The following GLP1R variants were observed in gnomAD, a reference collection of about 807,000 sequenced individuals.
GLP1R encodes glucagon like peptide 1 receptor.
A neutral mutation model predicts 68.4 loss-of-function variants in GLP1R; 32 were observed. That is an observed-to-expected ratio of 0.47 (90% CI 0.35 to 0.63). The LOEUF is 0.63. Ranked by LOEUF, GLP1R falls within the 20% of genes least tolerant of loss-of-function variation. GLP1R has a pLI of 0.00. For missense variants in GLP1R, 502 were observed against 594.9 expected (o/e 0.84, Z 1.62); for synonymous variants, 263 against 244.4 (o/e 1.08, Z -0.71).
chr6:39,075,804 G>T (rs1479972281), intron 7 of GLP1R, among the ~76,000 whole-genome samples: 1 of 152,210 alleles, frequency 6.6e-6, no homozygotes, highest in African/African-American at 2.4e-5. Context: ...CCCCCAAAGG[G>T]CATGGCAGCT....
At position 39,079,658 on chromosome 6, in the gene GLP1R, C is replaced by T. The variant is rs749386030; in HGVS notation, c.1138C>T (p.Arg380Cys). 4.3e-6 allele frequency: 7 copies of T among 1,611,828 alleles called. No individual in the cohort carries two copies. The highest frequency in any genetic ancestry group is 1.7e-5 in the Admixed American group (1 of 59,534). Reference sequence around the variant, plus strand: ...GGACGAGCACGCCCGGGGGACCCTGCGCTTCATCAAGCTGTTTACAGAGCT... The same window carrying T: ...GGACGAGCACGCCCGGGGGACCCTGTGCTTCATCAAGCTGTTTACAGAGCT... Reference protein sequence around the residue: ...VMDEHARGTLRFIKLFTELSF... With the variant: ...VMDEHARGTLCFIKLFTELSF... The change falls in exon 11 of 13, where the codon CGC becomes TGC. Residue 380 changes from arginine (R) to cysteine (C), a missense_variant. Coordinates refer to ENST00000373256, the MANE Select transcript of GLP1R (RefSeq NM_002062.5). The surrounding 1 kb of genome is among the most constrained non-coding windows in gnomAD (Gnocchi z 4.5).
At position 39,087,293 on chromosome 6, in the gene GLP1R, T is replaced by G. The variant is rs1769175501; in HGVS notation, c.*1220T>G. ...TTGTTTGGGAGAGTGCAGTAGTAAT[T>G]GATTTGACCCACTCACACTTGGAGC... On this transcript the variant is annotated 3_prime_UTR_variant, in exon 13 of 13. Coordinates refer to ENST00000373256, the MANE Select transcript of GLP1R (RefSeq NM_002062.5). The G allele has an allele frequency of 6.6e-6, 1 of 152,192 alleles. No homozygotes were observed. The highest frequency in any genetic ancestry group is 2.4e-5 in the African/African-American group (1 of 41,434). 9.4% of individuals were successfully genotyped at this position (152,192 alleles called of 1,614,324 possible).
chr6:39,056,254 C>T (rs1353942894), intron 1 of GLP1R, 143 bp from the exon 2 acceptor site: 14 of 563,000 alleles, frequency 2.5e-5, no homozygotes, highest in African/African-American at 3.8e-5. Context: ...TATTCTCACT[C>T]TCTTTCAGAG....
At chr6:39,075,818 G>A (rs987173582) in intron 7 of GLP1R, among the ~76,000 whole-genome samples, 1 of 152,222 alleles carries the variant, frequency 6.6e-6, no homozygotes, top group Non-Finnish European at 1.5e-5. Context: ...GGCAGCTTCT[G>A]CTGCAGTCCC....
Position 39,058,480 on chromosome 6 carries a change from A to C in GLP1R, c.283+901A>C, listed in dbSNP as rs369408024. 3.9e-5 allele frequency among the ~76,000 whole-genome samples: 6 copies of C among 152,202 alleles called. No individual in the cohort carries two copies. In the South Asian group the frequency reaches 6.2e-4, roughly 16 times the overall value. The stretch of plus-strand genomic sequence containing the variant: ...GGGTACAGAGATTTGCAGAGGCTGC[A>C]AGAGGATCCCTGACTGGAGGGTTAG... On this transcript the variant is annotated intron_variant, in intron 3 of 12. Transcript: ENST00000373256.
intron 1 of GLP1R, among the ~76,000 whole-genome samples, chr6:39,056,034 A>C (rs1273123655): frequency 6.6e-6 from 1 of 152,174 alleles, no homozygotes; most frequent in Non-Finnish European, 1.5e-5. Context: ...AGGAGCTTAG[A>C]GTCCTGGGCC....
intron 1 of GLP1R, among the ~76,000 whole-genome samples, chr6:39,051,479 C>T (rs1027021330): frequency 6.6e-6 from 1 of 152,112 alleles, no homozygotes; most frequent in Non-Finnish European, 1.5e-5. Context: ...TTGATCAGTG[C>T]GGACATTGTT....
At chr6:39,053,924 T>A (rs1461584781) in intron 1 of GLP1R, among the ~76,000 whole-genome samples, 2 of 151,984 alleles carry the variant, frequency 1.3e-5, no homozygotes, top group African/African-American at 4.8e-5. Flanking sequence ...CTGATAACAG[T>A]CCACAGCTCT....
At position 39,049,902 on chromosome 6, in the gene GLP1R, G is replaced by A. The variant is rs1768045594; in HGVS notation, c.78+984G>A. Among the ~76,000 whole-genome samples the A allele has an allele frequency of 2.6e-5, 4 of 152,258 alleles. 1 individual carries two copies. The South Asian group carries it at 8.3e-4, about 32-fold the overall frequency. ...TGGCCTGTCCTGGGTCAGGAAACAGGTTCTTCCTATCACCTCCCACTGCTA... is the reference window on the plus strand; with the variant it reads ...TGGCCTGTCCTGGGTCAGGAAACAGATTCTTCCTATCACCTCCCACTGCTA... On this transcript the variant is annotated intron_variant, in intron 1 of 12. Transcript: ENST00000373256. This position sits in a 1 kb window ranked among gnomAD's most constrained non-coding sequence, Gnocchi z 4.5.
chr6:39,084,458 G>A (rs190696056), intron 12 of GLP1R, among the ~76,000 whole-genome samples: 5 of 152,246 alleles, frequency 3.3e-5, no homozygotes, highest in East Asian at 1.9e-4. Flanking sequence ...CTGGTTTCCC[G>A]GAGGTGTGCC....
rs928145370 is a variant in GLP1R at position 39,073,913 on chromosome 6, G to A, written c.823+144G>A. On this transcript the variant is annotated intron_variant, in intron 7 of 12. Transcript: ENST00000373256. ...CCTCTTCCTGGGCACAGGACCTTCTGCCCCGGTGCTGTTAAGATGCCGTAG... is the reference window on the plus strand; with the variant it reads ...CCTCTTCCTGGGCACAGGACCTTCTACCCCGGTGCTGTTAAGATGCCGTAG... 14 of 683,930 alleles carry A rather than the reference G, an allele frequency of 2.0e-5. No individual in the cohort carries two copies. In the Admixed American group the frequency reaches 2.8e-4, roughly 14 times the overall value. 42.4% of individuals were successfully genotyped at this position (683,930 alleles called of 1,614,324 possible).
rs796827582 is a variant in GLP1R at position 39,056,340 on chromosome 6, G to C, written c.79-57G>C. The C allele has an allele frequency of 3.4e-6, 3 of 870,052 alleles. No homozygotes were observed. In the South Asian group the frequency reaches 4.3e-5, roughly 12 times the overall value. The allele number at this position is 870,052 out of a possible 1,614,324, so 53.9% of individuals were successfully genotyped here. On this transcript the variant is annotated intron_variant, in intron 1 of 12. Coordinates refer to ENST00000373256, the MANE Select transcript of GLP1R (RefSeq NM_002062.5). ...GAAACCAAGTGTGTTAGGGGGTGAG[G>C]GGGCAGGAGAGGGGCTGGCTGAACC... is the stretch of plus-strand genomic sequence containing the variant.
At chr6:39,053,116 C>T (rs888710880) in intron 1 of GLP1R, among the ~76,000 whole-genome samples, 1 of 152,224 alleles carries the variant, frequency 6.6e-6, no homozygotes, top group African/African-American at 2.4e-5. Flanking sequence ...CTGCCCTTCC[C>T]ATGGCCCTTT....
chr6:39,074,739 C>G (rs540114806), intron 7 of GLP1R, among the ~76,000 whole-genome samples: 5 of 152,132 alleles, frequency 3.3e-5, no homozygotes, highest in Non-Finnish European at 5.9e-5. Flanking sequence ...TGTCCCTGAG[C>G]CTTTGCAAGG....
At chr6:39,081,085 A>G (rs1438624989) in intron 12 of GLP1R, among the ~76,000 whole-genome samples, 1 of 151,970 alleles carries the variant, frequency 6.6e-6, no homozygotes, top group Non-Finnish European at 1.5e-5. Flanking sequence ...CCCAAGCCAC[A>G]TGCTTGGGGC....
Position 39,085,056 on chromosome 6 carries a change from C to G in GLP1R, c.1225-850C>G, listed in dbSNP as rs1052561628. 7.9e-5 allele frequency among the ~76,000 whole-genome samples: 12 copies of G among 152,252 alleles called. No homozygotes were observed. The South Asian group carries it at 1.2e-3, about 16-fold the overall frequency. Reference sequence around the variant, plus strand: ...AGCAGTCCAGACCCCCCAGGACTAGCTTGGCAGGTTCCAGCTAGGCCTCTC... The same window carrying G: ...AGCAGTCCAGACCCCCCAGGACTAGGTTGGCAGGTTCCAGCTAGGCCTCTC... On this transcript the variant is annotated intron_variant, in intron 12 of 12. Transcript: ENST00000373256.
In GLP1R at chr6:39,079,649, G is replaced by T; in HGVS notation, c.1129G>T (p.Gly377Trp). The T allele has an allele frequency of 6.2e-7, 1 of 1,612,190 alleles. No individual in the cohort carries two copies. The highest frequency in any genetic ancestry group is 8.5e-7 in the Non-Finnish European group (1 of 1,179,256). ...CTTTGTGATGGACGAGCACGCCCGG[G>T]GGACCCTGCGCTTCATCAAGCTGTT... is the stretch of plus-strand genomic sequence containing the variant. ...FAFVMDEHAR[G>W]TLRFIKLFTE... The change falls in exon 11 of 13, where the codon GGG becomes TGG. Residue 377 changes from glycine (G) to tryptophan (W), a missense_variant. Gly to Trp is a radical substitution (Grantham distance 184). Coordinates refer to ENST00000373256, the MANE Select transcript of GLP1R (RefSeq NM_002062.5). The surrounding 1 kb of genome is among the most constrained non-coding windows in gnomAD (Gnocchi z 4.5).
intron 1 of GLP1R, among the ~76,000 whole-genome samples, chr6:39,054,644 G>C (rs976502947): frequency 6.6e-6 from 1 of 152,178 alleles, no homozygotes; most frequent in African/African-American, 2.4e-5. Context: ...GGAAGAACTG[G>C]CTTCCATACC....
At chr6:39,051,585 G>A (rs1457949716) in intron 1 of GLP1R, among the ~76,000 whole-genome samples, 1 of 152,164 alleles carries the variant, frequency 6.6e-6, no homozygotes, top group Non-Finnish European at 1.5e-5. Flanking sequence ...TTGCACCAAG[G>A]CAAAACAGGC....
Sources: gnomAD v4.1 joint callset for allele counts (sites outside exome capture counted in the v4.1 genomes callset) on GRCh38, gnomAD v4.1.1 for gene constraint, Gnocchi (gnomAD v3.1) non-coding constraint, MANE v1.5 for transcripts, NCBI Gene and HGNC (gene_info 2026-07-23, HGNC 2026-07-21) for gene names.